Variants in DOCK4 observed in about 807,000 individuals in gnomAD.
The protein encoded by DOCK4 is dedicator of cytokinesis protein 4.
Under a neutral mutation model 268.1 loss-of-function variants are expected in DOCK4, and 97 were observed. The ratio of observed to expected loss-of-function variants is 0.36; its 90% confidence interval spans 0.31 to 0.43. The LOEUF is 0.43. DOCK4 is among the 20% of genes least tolerant of loss of function. DOCK4 has a pLI of 1.00. For synonymous variants in DOCK4, 954 were observed against 887.2 expected, an observed-to-expected ratio of 1.08 and a Z score of -1.34; for missense variants, 2,145 against 2,455.7, an observed-to-expected ratio of 0.87 and a Z score of 2.67.
chr7:112,177,275 A>G (rs543529399), intron 1 of DOCK4, among the ~76,000 whole-genome samples: 15 of 152,326 alleles, frequency 9.8e-5, no homozygotes, highest in African/African-American at 3.4e-4. Flanking sequence ...ATCTTAGGCA[A>G]GTAACCTTTC....
At chr7:112,080,514 A>C (rs1808485185) in intron 1 of DOCK4, among the ~76,000 whole-genome samples, 1 of 152,218 alleles carries the variant, frequency 6.6e-6, no homozygotes, top group South Asian at 2.1e-4. Flanking sequence ...ACAACATTTC[A>C]GAAATTCTTC....
At chr7:112,087,998 C>T (rs531716293) in intron 1 of DOCK4, among the ~76,000 whole-genome samples, 49 of 152,002 alleles carry the variant, frequency 3.2e-4, no homozygotes, top group Admixed American at 6.6e-4. Flanking sequence ...AGGTACATAC[C>T]CAACAGTGGT....
At chr7:112,097,395 G>A (rs1305752213) in intron 1 of DOCK4, among the ~76,000 whole-genome samples, 1 of 152,104 alleles carries the variant, frequency 6.6e-6, no homozygotes, top group Non-Finnish European at 1.5e-5. Context: ...GCAATGTAGT[G>A]AGATCTCATC....
At chr7:112,145,233 G>A (rs1318577862) in intron 1 of DOCK4, among the ~76,000 whole-genome samples, 1 of 152,130 alleles carries the variant, frequency 6.6e-6, no homozygotes, top group Non-Finnish European at 1.5e-5. Flanking sequence ...ACTGGAATGA[G>A]GATATTTTAT....
At chr7:112,175,160 G>T (rs1045279376) in intron 1 of DOCK4, among the ~76,000 whole-genome samples, 2 of 151,780 alleles carry the variant, frequency 1.3e-5, no homozygotes, top group Admixed American at 6.6e-5. Context: ...ACCGCGCCCA[G>T]CCCCGTCCCC....
At chr7:111,822,495 T>G in intron 26 of DOCK4, 39 bp from the exon 27 acceptor site, 1 of 1,539,972 alleles carries the variant, frequency 6.5e-7, no homozygotes, top group South Asian at 1.2e-5. Context: ...ATTGGTTTAT[T>G]GTAACTGTCA....
intron 1 of DOCK4, among the ~76,000 whole-genome samples, chr7:112,067,926 G>C (rs1807233407): frequency 6.6e-6 from 1 of 152,298 alleles, no homozygotes; most frequent in African/African-American, 2.4e-5. Context: ...GAATAACTTA[G>C]ACTGCAGGGC....
intron 30 of DOCK4, 51 bp downstream of exon 30, chr7:111,808,770 G>A: frequency 6.4e-7 from 1 of 1,560,280 alleles, no homozygotes; most frequent in Non-Finnish European, 8.8e-7. Flanking sequence ...TACACTTCAA[G>A]GTACAGCGAG....
chr7:112,004,018 G>A (rs374242951), intron 2 of DOCK4, 30 bp downstream of exon 2: 21 of 1,522,552 alleles, frequency 1.4e-5, no homozygotes, highest in South Asian at 3.6e-5. Flanking sequence ...ACAGCCGTAT[G>A]TTGAGGAGGT....
chr7:111,742,006 TA>T lies in DOCK4; in HGVS notation c.4797+6del. 6.3e-7 allele frequency: 1 copy of T among 1,591,080 alleles called. No homozygotes were observed. Among genetic ancestry groups the T allele is most frequent in the Non-Finnish European group, 8.5e-7 (1 of 1,170,482 alleles). ...CTGCCCCGCCATGGACACCTAAGTA[TA>T]CATACCTGTATCCCTAAGCTCGACT... On this transcript the variant is annotated splice_donor_region_variant and intron_variant, in intron 45 of 52. Coordinates refer to ENST00000428084, the MANE Select transcript of DOCK4 (RefSeq NM_001363540.2).
At chr7:111,820,998 C>G (rs1801930787) in intron 27 of DOCK4, 1 of 152,026 alleles carries the variant, frequency 6.6e-6, no homozygotes, top group South Asian at 2.1e-4. Flanking sequence ...AGATATCAAA[C>G]TAAATATGTT....
intron 1 of DOCK4, among the ~76,000 whole-genome samples, chr7:112,115,000 C>T (rs188411169): frequency 4.5e-4 from 69 of 152,268 alleles, no homozygotes; most frequent in African/African-American, 1.7e-3. Flanking sequence ...AAACCCATTC[C>T]CAACAGGCCT....
intron 25 of DOCK4, among the ~76,000 whole-genome samples, chr7:111,835,820 A>T (rs1586131912): frequency 2.0e-5 from 3 of 152,324 alleles, no homozygotes; most frequent in African/African-American, 7.2e-5. Context: ...GCCCACTGCC[A>T]TGGGAGACCC....
At chr7:111,853,792 C>T (rs1586178103) in intron 23 of DOCK4, among the ~76,000 whole-genome samples, 1 of 152,192 alleles carries the variant, frequency 6.6e-6, no homozygotes, top group Admixed American at 6.5e-5. Flanking sequence ...ACCTCCTGGC[C>T]TGGGACTCCT....
chr7:112,040,749 C>CA (rs201574358), intron 1 of DOCK4, among the ~76,000 whole-genome samples: 8 of 148,510 alleles, frequency 5.4e-5, no homozygotes, highest in Admixed American at 1.3e-4. Flanking sequence ...CAGAGTGAAC[C>CA]AAAAAAAAAG....
intron 49 of DOCK4, among the ~76,000 whole-genome samples, chr7:111,738,297 G>A (rs1795646139): frequency 6.6e-6 from 1 of 152,152 alleles, no homozygotes; most frequent in African/African-American, 2.4e-5. Flanking sequence ...GAAAGGCTGA[G>A]GACTGAACCG....
Position 111,781,902 on chromosome 7 carries a change from T to C in DOCK4, c.3585+962A>G, listed in dbSNP as rs550743779. ...CAAGGTGCAAGCAAATAGAGAACTATATGGCATGTGAGGAACTCAAATGAT... is the reference window on the plus strand; with the variant it reads ...CAAGGTGCAAGCAAATAGAGAACTACATGGCATGTGAGGAACTCAAATGAT... On this transcript the variant is annotated intron_variant, in intron 35 of 52. Coordinates refer to ENST00000428084, the MANE Select transcript of DOCK4 (RefSeq NM_001363540.2). Among the ~76,000 whole-genome samples the C allele has an allele frequency of 5.9e-5, 9 of 152,242 alleles. No individual in the cohort carries two copies. In the East Asian group the frequency reaches 1.7e-3, roughly 29 times the overall value.
At chr7:111,955,225 T>G (rs1796368185) in intron 8 of DOCK4, among the ~76,000 whole-genome samples, 1 of 152,244 alleles carries the variant, frequency 6.6e-6, no homozygotes, top group South Asian at 2.1e-4. Context: ...ATTATTAATG[T>G]GCTTTCTAAT....
At chr7:111,873,195 G>T (rs1368276334) in intron 17 of DOCK4, among the ~76,000 whole-genome samples, 1 of 152,228 alleles carries the variant, frequency 6.6e-6, no homozygotes, top group Non-Finnish European at 1.5e-5. Flanking sequence ...CCAGAGTCCA[G>T]ATAAGCACAG....
Sources: gnomAD v4.1 joint callset for allele counts (sites outside exome capture counted in the v4.1 genomes callset) on GRCh38, gnomAD v4.1.1 for gene constraint, MANE v1.5 for transcripts, NCBI Gene and HGNC (gene_info 2026-07-23, HGNC 2026-07-21) for gene names.